The following SNTG2 variants were observed in gnomAD, a reference collection of about 807,000 sequenced individuals.
SNTG2 encodes the protein syntrophin gamma 2.
Under a neutral mutation model 70.9 loss-of-function variants are expected in SNTG2, and 74 were observed. The observed-to-expected ratio is 1.04, with a 90% CI of 0.86 to 1.27. The LOEUF is 1.27. SNTG2 is among the 50% of genes most tolerant of loss of function. The pLI, the probability that SNTG2 is intolerant of heterozygous loss-of-function variation, is 0.00. For synonymous variants in SNTG2, 278 were observed against 273.8 expected, an observed-to-expected ratio of 1.02 and a Z score of -0.15; for missense variants, 717 against 690.7, an observed-to-expected ratio of 1.04 and a Z score of -0.43.
At chr2:1,249,539 G>A (rs562554900) in intron 12 of SNTG2, among the ~76,000 whole-genome samples, 2 of 152,130 alleles carry the variant, frequency 1.3e-5, no homozygotes, top group Non-Finnish European at 2.9e-5. Context: ...CTTCCCCGGT[G>A]GGAACCACCT....
intron 1 of SNTG2, among the ~76,000 whole-genome samples, chr2:1,060,028 C>T (rs998087894): frequency 9.9e-5 from 15 of 151,998 alleles, no homozygotes; most frequent in Middle Eastern, 6.3e-3. Context: ...TGGTTAGCCA[C>T]ATGAAGTAGG....
intron 1 of SNTG2, among the ~76,000 whole-genome samples, chr2:960,911 C>T (rs1160497578): frequency 6.6e-6 from 1 of 152,216 alleles, no homozygotes; most frequent in Non-Finnish European, 1.5e-5. Context: ...TCCTCACCTG[C>T]CCTCCTGCTC....
rs370951756 is a variant in SNTG2 at position 1,222,005 on chromosome 2, C to CTG, written c.719+12776_719+12777insGT. Among the ~76,000 whole-genome samples, 8 of 15,056 alleles carry CTG rather than the reference C, an allele frequency of 5.3e-4. 2 individuals carry two copies. The highest frequency in any genetic ancestry group is 3.3e-3 in the South Asian group (2 of 608). 9.9% of individuals were successfully genotyped at this position (15,056 alleles called of 152,430 possible). A position where few individuals can be genotyped will look rare whatever the true frequency, so the allele number is the denominator to read the frequency against. On this transcript the variant is annotated intron_variant, in intron 9 of 16. Transcript: ENST00000308624. ...TCTCTCTCTGTCTCTGTCTCTGTCT[C>CTG]TCTCTGTCTCTCTCTGTCTCTGCCT... is the stretch of plus-strand genomic sequence containing the variant.
At chr2:952,662 CTT>C (rs71939733) in intron 1 of SNTG2, among the ~76,000 whole-genome samples, 5,974 of 151,634 alleles carry the variant, frequency 0.039, 383 homozygotes, top group African/African-American at 0.14. Context: ...TTGAAAGAAA[CTT>C]TTTTTTTAGC....
intron 15 of SNTG2, 84 bp from the exon 16 acceptor site, chr2:1,316,181 G>A (rs1681269444): frequency 1.1e-5 from 7 of 629,572 alleles, no homozygotes; most frequent in East Asian, 2.9e-5. Context: ...TTGATTTAAC[G>A]AGGCTGTTTA....
chr2:1,162,399 G>A (rs28528894), intron 6 of SNTG2, among the ~76,000 whole-genome samples: 7,566 of 152,252 alleles, frequency 0.05, 604 homozygotes, highest in African/African-American at 0.16. Context: ...TTTGGGAGGA[G>A]GGCAGCCTGT....
At chr2:1,292,326 T>A (rs1680027384) in intron 14 of SNTG2, among the ~76,000 whole-genome samples, 1 of 152,196 alleles carries the variant, frequency 6.6e-6, no homozygotes, top group Non-Finnish European at 1.5e-5. Flanking sequence ...TCTTTCCTAT[T>A]TGGTTGACTT....
At chr2:1,105,368 C>G (rs1305106946) in intron 4 of SNTG2, among the ~76,000 whole-genome samples, 1 of 152,182 alleles carries the variant, frequency 6.6e-6, no homozygotes, top group Non-Finnish European at 1.5e-5. Flanking sequence ...ATATGATGTT[C>G]TGCATGAGGT....
At chr2:1,152,890 A>G (rs4411732) in intron 6 of SNTG2, among the ~76,000 whole-genome samples, 124,191 of 151,412 alleles carry the variant, frequency 0.82, 52,533 homozygotes, top group Non-Finnish European at 0.94. Flanking sequence ...TTGGGAGGCC[A>G]AGGTGGGCGG....
chr2:1,347,614 C>G (rs1207904143), intron 16 of SNTG2, among the ~76,000 whole-genome samples: 2 of 152,212 alleles, frequency 1.3e-5, no homozygotes, highest in Admixed American at 6.5e-5. Flanking sequence ...TGTGTGAACC[C>G]GTATTTCACT....
chr2:1,009,908 C>T (rs1572217650), intron 1 of SNTG2, among the ~76,000 whole-genome samples: 1 of 152,280 alleles, frequency 6.6e-6, no homozygotes, highest in African/African-American at 2.4e-5. Flanking sequence ...AATCAGAAGT[C>T]CTGACTTGTG....
chr2:1,102,457 T>G (rs1396435313), intron 4 of SNTG2: 1 of 152,394 alleles, frequency 6.6e-6, no homozygotes, highest in African/African-American at 2.4e-5. Flanking sequence ...CCTTGGAGGC[T>G]CCACGTCACA....
chr2:1,159,131 T>C (rs934665743), intron 6 of SNTG2, among the ~76,000 whole-genome samples: 4 of 77,194 alleles, frequency 5.2e-5, no homozygotes, highest in Non-Finnish European at 1.2e-4. Flanking sequence ...TGTGTATGCA[T>C]GGGTGTGCAT....
intron 1 of SNTG2, among the ~76,000 whole-genome samples, chr2:983,900 T>C (rs1661214229): frequency 6.6e-6 from 1 of 152,152 alleles, no homozygotes; most frequent in Admixed American, 6.5e-5. Context: ...ACCTGGCCAT[T>C]GCCACTTGGG....
intron 1 of SNTG2, among the ~76,000 whole-genome samples, chr2:1,040,224 C>G (rs747136288): frequency 3.3e-5 from 5 of 152,176 alleles, no homozygotes; most frequent in Non-Finnish European, 7.3e-5. Flanking sequence ...ATTCCTGCAC[C>G]CCACGCCAGT....
chr2:1,285,674 A>C (rs1170751895), intron 14 of SNTG2, among the ~76,000 whole-genome samples: 1 of 152,262 alleles, frequency 6.6e-6, no homozygotes, highest in Non-Finnish European at 1.5e-5. Context: ...CATGACAATT[A>C]CAATCCCCAT....
intron 16 of SNTG2, among the ~76,000 whole-genome samples, chr2:1,322,101 A>G (rs562372312): frequency 2.6e-5 from 4 of 152,352 alleles, no homozygotes; most frequent in Admixed American, 6.5e-5. Context: ...AAGTCTCTCA[A>G]TAGCTGCATC....
intron 9 of SNTG2, among the ~76,000 whole-genome samples, chr2:1,225,540 G>A (rs73173559): frequency 0.012 from 1,836 of 152,226 alleles, 31 homozygotes; most frequent in African/African-American, 0.042. Context: ...CTTGAGAGTC[G>A]GCTTTTACTG....
intron 9 of SNTG2, among the ~76,000 whole-genome samples, chr2:1,214,712 A>G (rs2148006828): frequency 6.6e-6 from 1 of 152,126 alleles, no homozygotes; most frequent in Middle Eastern, 3.4e-3. Flanking sequence ...TTCCTTTTCT[A>G]TTTAGATGTG....
Sources: gnomAD v4.1 joint callset for allele counts (sites outside exome capture counted in the v4.1 genomes callset) on GRCh38, gnomAD v4.1.1 for gene constraint, MANE v1.5 for transcripts, NCBI Gene and HGNC (gene_info 2026-07-23, HGNC 2026-07-21) for gene names.